Variants in ROBO2 observed in about 807,000 individuals in gnomAD.
ROBO2 encodes the protein roundabout homolog 2.
A neutral mutation model predicts 160.8 loss-of-function variants in ROBO2; 53 were observed. That is an observed-to-expected ratio of 0.33 (90% CI 0.26 to 0.41). The LOEUF is 0.41. Among genes scored for constraint, ROBO2 ranks in the 10% least tolerant of loss-of-function variants. The probability of loss-of-function intolerance (pLI) is 1.00; values close to 1 mark genes in which losing one functional copy is unlikely to be tolerated. For missense variants in ROBO2, 1,577 were observed against 1,722.4 expected (o/e 0.92, Z 1.49); for synonymous variants, 664 against 611.7 (o/e 1.09, Z -1.26).
At chr3:76,899,692 C>G (rs1393047721) in intron 2 of ROBO2, among the ~76,000 whole-genome samples, 1 of 152,088 alleles carries the variant, frequency 6.6e-6, no homozygotes, top group East Asian at 1.9e-4. Context: ...AGGTGAACAA[C>G]TTAGAGAAAG....
intron 2 of ROBO2, among the ~76,000 whole-genome samples, chr3:76,038,072 AT>A (rs2067172135): frequency 6.6e-6 from 1 of 152,008 alleles, no homozygotes; most frequent in South Asian, 2.1e-4. Context: ...CCTCATTTGT[AT>A]TTTTAGAGAA....
chr3:77,303,539 A>G (rs1231584120), intron 2 of ROBO2, among the ~76,000 whole-genome samples: 3 of 152,154 alleles, frequency 2.0e-5, no homozygotes, highest in Non-Finnish European at 2.9e-5. Flanking sequence ...ATGAAATAAT[A>G]TATATTTATT....
rs571368217 is a variant in ROBO2, at chr3:77,385,079, G to C, written c.389-92335G>C. Reference sequence around the variant, plus strand: ...CGGAGTCTCTCTGTTGCCCAGGCTGGAGTGCAGTGGCATGATCTTGGCTCA... The same window carrying C: ...CGGAGTCTCTCTGTTGCCCAGGCTGCAGTGCAGTGGCATGATCTTGGCTCA... On this transcript the variant is annotated intron_variant, in intron 2 of 25. Coordinates refer to ENST00000461745, the Ensembl canonical transcript of ROBO2. Among the ~76,000 whole-genome samples, 13 of 152,306 alleles carry C rather than the reference G, an allele frequency of 8.5e-5. 1 individual carries two copies. Among genetic ancestry groups the C allele is most frequent in the Admixed American group, 2.0e-4 (3 of 15,304 alleles).
chr3:77,635,100 C>A, intron 24 of ROBO2, 57 bp downstream of exon 25: 2 of 1,565,458 alleles, frequency 1.3e-6, no homozygotes, highest in East Asian at 4.6e-5. Context: ...TCCATGCAAT[C>A]ATTTACTTAG....
intron 2 of ROBO2, among the ~76,000 whole-genome samples, chr3:76,211,043 T>A (rs1284236616): frequency 6.6e-6 from 1 of 151,942 alleles, no homozygotes; most frequent in Non-Finnish European, 1.5e-5. Flanking sequence ...TAGAAAAAAA[T>A]TCATTTGTCA....
intron 2 of ROBO2, among the ~76,000 whole-genome samples, chr3:76,102,156 C>A (rs2069722685): frequency 6.6e-6 from 1 of 152,152 alleles, no homozygotes; most frequent in South Asian, 2.1e-4. Context: ...GGAAACACTA[C>A]CACACGAGGC....
chr3:76,413,098 G>C (rs1471421416), intron 2 of ROBO2, among the ~76,000 whole-genome samples: 1 of 152,216 alleles, frequency 6.6e-6, no homozygotes, highest in Non-Finnish European at 1.5e-5. Flanking sequence ...CACAGCCCAA[G>C]CTGTACATTG....
chr3:77,374,246 T>C (rs1259364432), intron 2 of ROBO2, among the ~76,000 whole-genome samples: 1 of 148,450 alleles, frequency 6.7e-6, no homozygotes, highest in African/African-American at 2.5e-5. Context: ...GAATACAGTC[T>C]TTAAAATTAT....
chr3:77,219,665 T>C (rs780712468), intron 2 of ROBO2, among the ~76,000 whole-genome samples: 45 of 151,334 alleles, frequency 3.0e-4, no homozygotes, highest in Non-Finnish European at 5.6e-4. Flanking sequence ...TTAGCATCAG[T>C]TTGCTGATTT....
chr3:76,587,702 A>G (rs1013832421), intron 2 of ROBO2, among the ~76,000 whole-genome samples: 1 of 152,248 alleles, frequency 6.6e-6, no homozygotes, highest in Non-Finnish European at 1.5e-5. Context: ...AAACCATATC[A>G]GTACCCAAAT....
intron 5 of ROBO2, among the ~76,000 whole-genome samples, chr3:77,499,981 T>C (rs12107659): frequency 6.6e-6 from 1 of 152,200 alleles, no homozygotes; most frequent in East Asian, 1.9e-4. Flanking sequence ...TTATAAATGT[T>C]TCTAGTGACT....
chr3:76,598,423 A>G (rs2086882596), intron 2 of ROBO2, among the ~76,000 whole-genome samples: 1 of 152,138 alleles, frequency 6.6e-6, no homozygotes, highest in Non-Finnish European at 1.5e-5. Context: ...GTGTAGAACT[A>G]AATACACACA....
At chr3:76,132,330 G>A (rs2071253317) in intron 2 of ROBO2, among the ~76,000 whole-genome samples, 1 of 135,810 alleles carries the variant, frequency 7.4e-6, no homozygotes, top group Non-Finnish European at 1.5e-5. Flanking sequence ...TAGTGCCCAA[G>A]GTTTTCACTG....
At chr3:76,260,833 A>G (rs1225253772) in intron 2 of ROBO2, among the ~76,000 whole-genome samples, 2 of 152,152 alleles carry the variant, frequency 1.3e-5, no homozygotes, top group African/African-American at 4.8e-5. Context: ...ATTATGAAGT[A>G]GCTCAAAAAC....
chr3:76,272,981 A>ATATATAAAAATATATT (rs1707654449), intron 2 of ROBO2, among the ~76,000 whole-genome samples: 1 of 86,094 alleles, frequency 1.2e-5, no homozygotes, highest in Non-Finnish European at 2.1e-5. Flanking sequence ...AAATATATAT[A>ATATATAAAAATATATT]ATATATAATA....
intron 2 of ROBO2, among the ~76,000 whole-genome samples, chr3:76,983,557 T>A (rs754045888): frequency 6.6e-6 from 1 of 152,128 alleles, no homozygotes; most frequent in Non-Finnish European, 1.5e-5. Flanking sequence ...CCACCCAATA[T>A]TGGAATAGGA....
At chr3:77,454,419 C>A (rs2081412969) in intron 2 of ROBO2, among the ~76,000 whole-genome samples, 1 of 152,110 alleles carries the variant, frequency 6.6e-6, no homozygotes, top group Non-Finnish European at 1.5e-5. Flanking sequence ...GACTCATTTG[C>A]AATCAAAACT....
intron 2 of ROBO2, among the ~76,000 whole-genome samples, chr3:76,886,265 T>A (rs199731218): frequency 0.58 from 86,558 of 150,288 alleles, 25,113 homozygotes; most frequent in Middle Eastern, 0.67. Context: ...AAAAAATATA[T>A]ATATATATAT....
At chr3:76,000,001 T>C (rs2065836583) in intron 2 of ROBO2, among the ~76,000 whole-genome samples, 1 of 152,254 alleles carries the variant, frequency 6.6e-6, no homozygotes, top group South Asian at 2.1e-4. Flanking sequence ...CAAATATGTT[T>C]ATATCCAAAT....
Sources: gnomAD v4.1 joint callset for allele counts (sites outside exome capture counted in the v4.1 genomes callset) on GRCh38, gnomAD v4.1.1 for gene constraint, MANE v1.5 for transcripts, NCBI Gene and HGNC (gene_info 2026-07-23, HGNC 2026-07-21) for gene names.